CDH13: variants seen among roughly 807,000 people sequenced by gnomAD.
CDH13 encodes cadherin-13.
Under a neutral mutation model 63.8 loss-of-function variants are expected in CDH13, and 24 were observed. The observed-to-expected ratio is 0.38, with a 90% CI of 0.27 to 0.53. The LOEUF (loss-of-function observed/expected upper bound fraction) is 0.53. Ranked by LOEUF, CDH13 falls within the 20% of genes least tolerant of loss-of-function variation. The pLI is 0.85. For synonymous variants in CDH13, 503 were observed against 355.3 expected (o/e 1.42, Z -4.67); for missense variants, 1,049 against 903.1 (o/e 1.16, Z -2.07).
At chr16:83,368,538 T>C (rs1597846900) in intron 6 of CDH13, among the ~76,000 whole-genome samples, 1 of 152,018 alleles carries the variant, frequency 6.6e-6, no homozygotes. Flanking sequence ...TTTATTTCAA[T>C]AGGTTTTTTG....
rs146450642 is a variant in CDH13 at position 83,355,215 on chromosome 16, G to A, written c.781+10209G>A. 5.1e-4 allele frequency among the ~76,000 whole-genome samples: 77 copies of A among 152,300 alleles called. 2 individuals carry two copies. The highest frequency in any genetic ancestry group is 1.7e-3 in the African/African-American group (70 of 41,556). On this transcript the variant is annotated intron_variant, in intron 6 of 13. Coordinates refer to ENST00000567109, the MANE Select transcript of CDH13 (RefSeq NM_001257.5). Reference sequence around the variant, plus strand: ...ATGGCAGCTACGGAGATGGAGAGAAGAGATCACATAAAATTTTTACAGCAA... The same window carrying A: ...ATGGCAGCTACGGAGATGGAGAGAAAAGATCACATAAAATTTTTACAGCAA...
At chr16:83,684,882 AT>A (rs1000317871) in intron 10 of CDH13, among the ~76,000 whole-genome samples, 98 of 150,742 alleles carry the variant, frequency 6.5e-4, no homozygotes, top group African/African-American at 2.2e-3. Context: ...ACGGAAGTTG[AT>A]TTTTTTTTTC....
chr16:83,706,582 G>A (rs1319498909), intron 10 of CDH13, among the ~76,000 whole-genome samples: 1 of 152,122 alleles, frequency 6.6e-6, no homozygotes, highest in African/African-American at 2.4e-5. Flanking sequence ...TGTGTTATTT[G>A]TAAAATGACT....
At chr16:83,620,887 C>G (rs1422402210) in intron 8 of CDH13, among the ~76,000 whole-genome samples, 1 of 152,146 alleles carries the variant, frequency 6.6e-6, no homozygotes, top group Non-Finnish European at 1.5e-5. Flanking sequence ...CAAGACTGGT[C>G]ATTCCATCAC....
intron 3 of CDH13, among the ~76,000 whole-genome samples, chr16:83,110,407 A>G (rs1191377493): frequency 1.3e-5 from 2 of 152,224 alleles, no homozygotes; most frequent in African/African-American, 4.8e-5. Flanking sequence ...AGGAGGATTT[A>G]ACAAGGGATT....
intron 10 of CDH13, chr16:83,721,616 G>A (rs1444914063): frequency 1.3e-5 from 2 of 152,150 alleles, no homozygotes; most frequent in Admixed American, 6.5e-5. Flanking sequence ...ACACCACTTG[G>A]TCCTACCTCC....
At chr16:83,245,923 G>C (rs920825586) in intron 5 of CDH13, among the ~76,000 whole-genome samples, 1 of 151,990 alleles carries the variant, frequency 6.6e-6, no homozygotes, top group African/African-American at 2.4e-5. Flanking sequence ...TTTTTGTAGA[G>C]ACTAGGTCTT....
intron 1 of CDH13, among the ~76,000 whole-genome samples, chr16:82,663,288 G>A: frequency 6.6e-6 from 1 of 152,174 alleles, no homozygotes; most frequent in Admixed American, 6.5e-5. Context: ...CTAGGTTCAA[G>A]CGATTCTCTT....
chr16:83,306,746 C>T (rs922782099), intron 5 of CDH13, among the ~76,000 whole-genome samples: 2 of 152,128 alleles, frequency 1.3e-5, no homozygotes, highest in Non-Finnish European at 2.9e-5. Context: ...AGGACTCTTG[C>T]AAGCCATGAT....
chr16:82,728,568 A>G (rs1487072043), intron 1 of CDH13, among the ~76,000 whole-genome samples: 2 of 152,158 alleles, frequency 1.3e-5, no homozygotes. Context: ...CTTTATTGCT[A>G]CAAAATATGA....
chr16:83,713,197 T>A (rs772503762), intron 10 of CDH13, among the ~76,000 whole-genome samples: 1 of 152,190 alleles, frequency 6.6e-6, no homozygotes, highest in Non-Finnish European at 1.5e-5. Flanking sequence ...CACTGAGGAT[T>A]CTTCCAACCC....
chr16:82,632,008 T>C (rs1331241552), intron 1 of CDH13, among the ~76,000 whole-genome samples: 1 of 152,174 alleles, frequency 6.6e-6, no homozygotes, highest in Non-Finnish European at 1.5e-5. Flanking sequence ...TTGGCTCAAA[T>C]GTTTTGCAAA....
At chr16:82,683,642 A>G (rs1319867859) in intron 1 of CDH13, among the ~76,000 whole-genome samples, 1 of 152,248 alleles carries the variant, frequency 6.6e-6, no homozygotes, top group Admixed American at 6.5e-5. Context: ...TGAGGAATGC[A>G]TCCATTATTC....
chr16:83,578,272 C>A (rs1905229571), intron 7 of CDH13, among the ~76,000 whole-genome samples: 1 of 152,170 alleles, frequency 6.6e-6, no homozygotes, highest in South Asian at 2.1e-4. Flanking sequence ...TAAAATTAAC[C>A]ATTTCTCACA....
intron 10 of CDH13, among the ~76,000 whole-genome samples, chr16:83,691,643 G>A (rs1408348976): frequency 2.6e-5 from 4 of 152,092 alleles, no homozygotes; most frequent in Admixed American, 1.3e-4. Flanking sequence ...CAACGGTGCT[G>A]TTAACTTGGC....
chr16:83,267,617 C>G (rs916621469), intron 5 of CDH13, among the ~76,000 whole-genome samples: 6 of 152,104 alleles, frequency 3.9e-5, no homozygotes, highest in African/African-American at 7.2e-5. Context: ...CGGGAGTGGG[C>G]TCCCGGTAAA....
At chr16:83,213,357 G>C (rs1376853727) in intron 4 of CDH13, among the ~76,000 whole-genome samples, 1 of 152,192 alleles carries the variant, frequency 6.6e-6, no homozygotes, top group African/African-American at 2.4e-5. Context: ...TCTGTGCCGA[G>C]TGGCAGGCAG....
At chr16:82,867,334 C>T (rs1046857323) in intron 2 of CDH13, among the ~76,000 whole-genome samples, 1 of 152,018 alleles carries the variant, frequency 6.6e-6, no homozygotes, top group African/African-American at 2.4e-5. Flanking sequence ...TGTGTTTTCC[C>T]ATCACTTTTA....
At chr16:83,334,361 T>TCTCTCTCTCTCTCACA (rs1272779883) in intron 5 of CDH13, among the ~76,000 whole-genome samples, 1 of 85,594 alleles carries the variant, frequency 1.2e-5, no homozygotes, top group Non-Finnish European at 2.2e-5. Context: ...TCTCTCTCTC[T>TCTCTCTCTCTCTCACA]CACACACACA....
Sources: allele counts gnomAD v4.1 joint callset (sites outside exome capture counted in the v4.1 genomes callset), GRCh38; gene constraint gnomAD v4.1.1; transcripts MANE v1.5; gene names NCBI Gene and HGNC (gene_info 2026-07-23, HGNC 2026-07-21).